The following CDKN2B-AS1 variants were observed in gnomAD, a reference collection of about 807,000 sequenced individuals.
CDKN2B-AS1 encodes CDKN2B antisense RNA 1 (non-protein coding).
chr9:22,092,360 C>T (rs1001510398), intron 4 of CDKN2B-AS1: 3 of 152,216 alleles, frequency 2.0e-5, no homozygotes, highest in African/African-American at 7.2e-5. Context: ...GGAGAATTCC[C>T]TCTTTTTCTA....
chr9:22,044,040 A>G (rs750533647), intron 1 of CDKN2B-AS1, among the ~76,000 whole-genome samples: 2 of 152,024 alleles, frequency 1.3e-5, no homozygotes, highest in Non-Finnish European at 2.9e-5. Flanking sequence ...TTTTATCCTC[A>G]CAACAAATTT....
At chr9:22,070,968 G>A (rs891001035) in intron 4 of CDKN2B-AS1, among the ~76,000 whole-genome samples, 2 of 152,046 alleles carry the variant, frequency 1.3e-5, no homozygotes, top group African/African-American at 4.8e-5. Context: ...GGCCTTGGAA[G>A]CAAGGTACAG....
chr9:22,023,934 A>G (rs1200709670), intron 1 of CDKN2B-AS1, among the ~76,000 whole-genome samples: 2 of 152,170 alleles, frequency 1.3e-5, no homozygotes, highest in Admixed American at 6.5e-5. Context: ...TTCTGCTTCT[A>G]TCATTTCAGC....
At chr9:22,052,532 T>C (rs898973959) in intron 3 of CDKN2B-AS1, among the ~76,000 whole-genome samples, 5 of 152,168 alleles carry the variant, frequency 3.3e-5, no homozygotes, top group African/African-American at 1.2e-4. Context: ...AGGGCGAATC[T>C]TTAAGGCAAG....
At chr9:22,033,905 T>C (rs2131251669) in intron 1 of CDKN2B-AS1, among the ~76,000 whole-genome samples, 1 of 152,346 alleles carries the variant, frequency 6.6e-6, no homozygotes, top group South Asian at 2.1e-4. Flanking sequence ...ACTACATTTA[T>C]ATTGCATTGA....
intron 1 of CDKN2B-AS1, among the ~76,000 whole-genome samples, chr9:22,044,290 G>A (rs1563942800): frequency 6.6e-6 from 1 of 151,940 alleles, no homozygotes; most frequent in Non-Finnish European, 1.5e-5. Context: ...GTTAAAGGTT[G>A]TAAAATGCCT....
chr9:22,032,160 AG>A (rs1822503243), intron 1 of CDKN2B-AS1, among the ~76,000 whole-genome samples: 1 of 151,844 alleles, frequency 6.6e-6, no homozygotes, highest in South Asian at 2.1e-4. Flanking sequence ...TTTTGGGGGG[AG>A]AATGGTCATT....
chr9:22,036,057 T>C (rs1050285074), intron 1 of CDKN2B-AS1, among the ~76,000 whole-genome samples: 3 of 152,098 alleles, frequency 2.0e-5, no homozygotes, highest in Non-Finnish European at 4.4e-5. Context: ...TTGAGCCCCG[T>C]TTTTCACCTT....
At chr9:22,122,316 G>A (rs1826119917) in intron 4 of CDKN2B-AS1, among the ~76,000 whole-genome samples, 1 of 152,038 alleles carries the variant, frequency 6.6e-6, no homozygotes. Context: ...CAGATGAGTA[G>A]TTTGCAAATA....
At position 22,093,647 on chromosome 9, in the gene CDKN2B-AS1, C is replaced by CT. The variant is rs1318171176; in HGVS notation, n.439-33449dup. On this transcript the variant is annotated intron_variant and non_coding_transcript_variant, in intron 4 of 4. Coordinates refer to ENST00000650946, the Ensembl canonical transcript of CDKN2B-AS1. ...CAGAGACTAGGATTGCAACCCCTGC[C>CT]TTTTTTTGTTTTCCATTTGCTTGGT... Among the ~76,000 whole-genome samples the CT allele has an allele frequency of 5.0e-5, 7 of 139,670 alleles. No individual in the cohort carries two copies. In the South Asian group the frequency reaches 8.8e-4, roughly 18 times the overall value. 91.6% of individuals were successfully genotyped at this position (139,670 alleles called of 152,430 possible). A position where few individuals can be genotyped will look rare whatever the true frequency, so the allele number is the denominator to read the frequency against.
intron 1 of CDKN2B-AS1, among the ~76,000 whole-genome samples, chr9:22,036,755 C>A (rs897522128): frequency 6.6e-6 from 1 of 152,080 alleles, no homozygotes; most frequent in Non-Finnish European, 1.5e-5. Context: ...TCTCTTGAAA[C>A]AAGGCTAAAA....
chr9:22,088,116 GCT>G (rs996259133), intron 4 of CDKN2B-AS1, among the ~76,000 whole-genome samples: 1 of 152,120 alleles, frequency 6.6e-6, no homozygotes, highest in African/African-American at 2.4e-5. Flanking sequence ...CATCTGGTGT[GCT>G]CTGTTTCCCC....
chr9:22,053,776 T>G (rs934235735), intron 3 of CDKN2B-AS1, among the ~76,000 whole-genome samples: 1 of 152,230 alleles, frequency 6.6e-6, no homozygotes, highest in Non-Finnish European at 1.5e-5. Context: ...AACATATATT[T>G]GTTTTAGACC....
chr9:22,037,958 C>T (rs1470574038), intron 1 of CDKN2B-AS1, among the ~76,000 whole-genome samples: 4 of 151,912 alleles, frequency 2.6e-5, no homozygotes, highest in African/African-American at 4.8e-5. Flanking sequence ...ATAATGTTTT[C>T]CTAAGAGTAG....
intron 4 of CDKN2B-AS1, among the ~76,000 whole-genome samples, chr9:22,061,041 C>T (rs1198091554): frequency 1.3e-5 from 2 of 152,104 alleles, no homozygotes; most frequent in Admixed American, 1.3e-4. Flanking sequence ...TTTAAAAAAA[C>T]AAACTTTTGA....
intron 4 of CDKN2B-AS1, among the ~76,000 whole-genome samples, chr9:22,070,635 C>T (rs1824249567): frequency 6.6e-6 from 1 of 152,248 alleles, no homozygotes; most frequent in East Asian, 1.9e-4. Flanking sequence ...CATATGACAA[C>T]ATTGTACATG....
chr9:22,056,659 C>T (rs1823590425), intron 4 of CDKN2B-AS1, among the ~76,000 whole-genome samples: 1 of 152,088 alleles, frequency 6.6e-6, no homozygotes, highest in South Asian at 2.1e-4. Context: ...TCTTCCTTGG[C>T]CTGAATGCTA....
intron 4 of CDKN2B-AS1, among the ~76,000 whole-genome samples, chr9:22,091,370 A>G (rs182296083): frequency 0.022 from 3,310 of 152,308 alleles, 54 homozygotes; most frequent in Non-Finnish European, 0.037. Context: ...GAAGAAAGTC[A>G]TTGGTAGCTT....
chr9:22,047,861 A>G (rs1418053133), intron 2 of CDKN2B-AS1, among the ~76,000 whole-genome samples: 1 of 151,216 alleles, frequency 6.6e-6, no homozygotes, highest in Non-Finnish European at 1.5e-5. Flanking sequence ...ATCATGGTTC[A>G]TTGCAGCCTC....
Sources: allele counts gnomAD v4.1 joint callset (sites outside exome capture counted in the v4.1 genomes callset), GRCh38; gene constraint gnomAD v4.1.1; transcripts MANE v1.5; gene names NCBI Gene and HGNC (gene_info 2026-07-23, HGNC 2026-07-21).